ADAMTSL3: variants seen among roughly 807,000 people sequenced by gnomAD.
The protein encoded by ADAMTSL3 is ADAMTS-like protein 3.
Under a neutral mutation model 201.7 loss-of-function variants are expected in ADAMTSL3, and 128 were observed. The ratio of observed to expected loss-of-function variants is 0.63; its 90% CI spans 0.55 to 0.73. ADAMTSL3 has a LOEUF of 0.73. Ranked by LOEUF, ADAMTSL3 falls within the 30% of genes least tolerant of loss-of-function variation. The pLI is 0.00. For synonymous variants in ADAMTSL3, 738 were observed against 748.4 expected (o/e 0.99, Z 0.23); for missense variants, 1,990 against 2,119.6 (o/e 0.94, Z 1.20).
chr15:83,670,350 T>TCATAATC (rs2061315593), intron 2 of ADAMTSL3, among the ~76,000 whole-genome samples: 1 of 150,648 alleles, frequency 6.6e-6, no homozygotes, highest in African/African-American at 2.4e-5. Context: ...ACTATCTCAC[T>TCATAATC]CATAATCCTA....
intron 20 of ADAMTSL3, among the ~76,000 whole-genome samples, chr15:83,979,137 T>C (rs1182984685): frequency 1.3e-5 from 2 of 152,240 alleles, no homozygotes; most frequent in Non-Finnish European, 1.5e-5. Flanking sequence ...CGTTTCCCCA[T>C]GTGTGCTTCC....
intron 3 of ADAMTSL3, among the ~76,000 whole-genome samples, chr15:83,751,581 C>G (rs2062637508): frequency 6.6e-6 from 1 of 152,038 alleles, no homozygotes; most frequent in African/African-American, 2.4e-5. Context: ...TGTGTCCTTT[C>G]CAAGAAGGTG....
intron 3 of ADAMTSL3, among the ~76,000 whole-genome samples, chr15:83,710,082 G>T (rs1348128321): frequency 6.6e-6 from 1 of 152,166 alleles, no homozygotes; most frequent in South Asian, 2.1e-4. Flanking sequence ...AAGCATGTAG[G>T]ACAAGTAGTG....
At chr15:83,965,349 C>CAAAAAAAAAAAAA (rs143907808) in intron 19 of ADAMTSL3, among the ~76,000 whole-genome samples, 2 of 98,436 alleles carry the variant, frequency 2.0e-5, no homozygotes, top group East Asian at 3.5e-4. Flanking sequence ...AAATGGAAAG[C>CAAAAAAAAAAAAA]AAAAAAAAAA....
Position 83,823,946 on chromosome 15 carries a change from CTTCTTCTTCTTCTTCTTCTTCTT to C in ADAMTSL3, c.600+3900_600+3922del, listed in dbSNP as rs1567169719. 6.1e-4 allele frequency among the ~76,000 whole-genome samples: 61 copies of C among 99,714 alleles called. 3 individuals are homozygous for C. In the East Asian group the frequency reaches 8.6e-3, roughly 14 times the overall value. 65.4% of individuals were successfully genotyped at this position (99,714 alleles called of 152,430 possible). ...TCTTCTTCTTCTTCTTCTTCTTCTT[CTTCTTCTTCTTCTTCTTCTTCTT>C]CTTCTCCTCCTCCTCCTCCTCCTTC... On this transcript the variant is annotated intron_variant, in intron 6 of 29. Coordinates refer to ENST00000286744, the MANE Select transcript of ADAMTSL3 (RefSeq NM_207517.3).
chr15:83,688,219 T>C (rs979809093), intron 2 of ADAMTSL3, among the ~76,000 whole-genome samples: 1 of 152,222 alleles, frequency 6.6e-6, no homozygotes, highest in Non-Finnish European at 1.5e-5. Context: ...CTGAGACATA[T>C]ACTTAATCTG....
At chr15:83,760,481 G>A (rs1318639231) in intron 3 of ADAMTSL3, among the ~76,000 whole-genome samples, 1 of 151,972 alleles carries the variant, frequency 6.6e-6, no homozygotes, top group Non-Finnish European at 1.5e-5. Context: ...GTTAGTTGTA[G>A]CTTTCTATAC....
chr15:83,884,218 A>T, intron 9 of ADAMTSL3, among the ~76,000 whole-genome samples: 1 of 151,694 alleles, frequency 6.6e-6, no homozygotes, highest in East Asian at 1.9e-4. Flanking sequence ...TAGCATTTTT[A>T]ATTGACAAAA....
intron 15 of ADAMTSL3, among the ~76,000 whole-genome samples, chr15:83,907,456 T>C (rs2065861361): frequency 6.6e-6 from 1 of 152,208 alleles, no homozygotes; most frequent in East Asian, 1.9e-4. Context: ...CAGGCTGGAG[T>C]GCAGTGATGT....
intron 19 of ADAMTSL3, among the ~76,000 whole-genome samples, chr15:83,955,573 C>T (rs868139797): frequency 1.3e-5 from 2 of 152,144 alleles, no homozygotes; most frequent in Non-Finnish European, 2.9e-5. Context: ...CCATGGCATA[C>T]TACCTGGATA....
chr15:83,741,784 T>C (rs1289075605), intron 3 of ADAMTSL3, among the ~76,000 whole-genome samples: 6 of 152,016 alleles, frequency 3.9e-5, no homozygotes, highest in Admixed American at 2.0e-4. Flanking sequence ...ATCACTTCCA[T>C]CTAGGAGTTT....
intron 3 of ADAMTSL3, among the ~76,000 whole-genome samples, chr15:83,766,228 G>A (rs2141721093): frequency 6.6e-6 from 1 of 152,284 alleles, no homozygotes; most frequent in Middle Eastern, 3.4e-3. Context: ...CCTCACCACA[G>A]CCCTTGTCCC....
intron 19 of ADAMTSL3, chr15:83,945,989 A>G (rs2066647944): frequency 6.6e-6 from 1 of 152,308 alleles, no homozygotes; most frequent in Non-Finnish European, 1.5e-5. Context: ...TGCTGCCCTA[A>G]CCTAAAGGGA....
intron 3 of ADAMTSL3, among the ~76,000 whole-genome samples, chr15:83,722,322 A>G (rs1212051782): frequency 6.6e-6 from 1 of 152,222 alleles, no homozygotes; most frequent in Non-Finnish European, 1.5e-5. Context: ...AGAAGACATC[A>G]AACGGAAGAG....
chr15:83,896,896 A>G (rs1226987071), intron 13 of ADAMTSL3, among the ~76,000 whole-genome samples: 1 of 152,164 alleles, frequency 6.6e-6, no homozygotes, highest in African/African-American at 2.4e-5. Context: ...AGAAGCAAGT[A>G]CCTTCTTCAC....
intron 16 of ADAMTSL3, among the ~76,000 whole-genome samples, chr15:83,919,369 A>T (rs953901195): frequency 6.6e-6 from 1 of 152,298 alleles, no homozygotes; most frequent in African/African-American, 2.4e-5. Flanking sequence ...GCGAGATATG[A>T]TAAAAACAGA....
intron 19 of ADAMTSL3, among the ~76,000 whole-genome samples, chr15:83,958,076 G>T (rs1323088541): frequency 6.6e-6 from 1 of 152,210 alleles, no homozygotes; most frequent in Admixed American, 6.5e-5. Context: ...AAACCACACA[G>T]TGCAGACACT....
chr15:83,655,004 G>A (rs1243235959), intron 1 of ADAMTSL3, among the ~76,000 whole-genome samples: 1 of 152,204 alleles, frequency 6.6e-6, no homozygotes, highest in Non-Finnish European at 1.5e-5. Context: ...GTGTGACCTC[G>A]GCTTTTCCAG....
At chr15:83,941,504 A>G (rs1385997108) in intron 17 of ADAMTSL3, among the ~76,000 whole-genome samples, 2 of 152,304 alleles carry the variant, frequency 1.3e-5, no homozygotes, top group South Asian at 2.1e-4. Context: ...GCATGCATTT[A>G]TAAATGCATA....
Sources: allele counts gnomAD v4.1 joint callset (sites outside exome capture counted in the v4.1 genomes callset), GRCh38; gene constraint gnomAD v4.1.1; transcripts MANE v1.5; gene names NCBI Gene and HGNC (gene_info 2026-07-23, HGNC 2026-07-21).